The following RASSF3 variants were observed in gnomAD, a reference collection of about 807,000 sequenced individuals.
RASSF3 encodes Ras association domain family member 3.
Under a neutral mutation model 19.9 loss-of-function variants are expected in RASSF3, and 19 were observed. The observed-to-expected ratio is 0.96, with a 90% confidence interval of 0.67 to 1.40. The LOEUF (loss-of-function observed/expected upper bound fraction) is 1.40, where lower values mean the gene tolerates loss of function less well. Ranked by LOEUF, RASSF3 falls within the 40% of genes most tolerant of loss-of-function variation. The pLI is 0.00. For missense variants in RASSF3, 306 were observed against 289.8 expected, an observed-to-expected ratio of 1.06 and a Z score of -0.41; for synonymous variants, 110 against 104.2, an observed-to-expected ratio of 1.06 and a Z score of -0.34.
At chr12:64,522,285 G>C in intron 1 of RASSF3, among the ~76,000 whole-genome samples, 1 of 152,014 alleles carries the variant, frequency 6.6e-6, no homozygotes. Flanking sequence ...ATAAAAAACA[G>C]AAATTGCAAC....
intron 1 of RASSF3, among the ~76,000 whole-genome samples, chr12:64,640,245 C>T (rs1383117): frequency 0.28 from 43,145 of 151,960 alleles, 6,658 homozygotes; most frequent in Non-Finnish European, 0.36. Context: ...ACCAGTGATA[C>T]CACCACACTC....
chr12:64,612,030 C>T (rs1459353426), intron 1 of RASSF3, among the ~76,000 whole-genome samples: 2 of 152,064 alleles, frequency 1.3e-5, no homozygotes, highest in Admixed American at 6.6e-5. Flanking sequence ...GCTTAAGGCC[C>T]CACTATTTAC....
rs1018863050 is a variant in RASSF3, at chr12:64,610,500, A to AGCG, written c.-127_-125dup. 2.9e-5 allele frequency: 9 copies of AGCG among 310,338 alleles called. No homozygotes were observed. Among genetic ancestry groups the AGCG allele is most frequent in the African/African-American group, 2.1e-4 (9 of 43,866 alleles). The allele number at this position is 310,338 out of a possible 1,614,324, so 19.2% of individuals were successfully genotyped here. On this transcript the variant is annotated 5_prime_UTR_variant, in exon 1 of 5. Transcript: ENST00000542104. ...AGGAGGGGCCGGGAGAGCCTGATTG[A>AGCG]GCGGCGGCCGCAGCTGCATAAGGAC...
intron 1 of RASSF3, among the ~76,000 whole-genome samples, chr12:64,637,953 T>A (rs1871379217): frequency 6.6e-6 from 1 of 151,668 alleles, no homozygotes; most frequent in African/African-American, 2.4e-5. Flanking sequence ...TGCCTCAGCC[T>A]CCGGAGTAGC....
At chr12:64,534,925 T>C (rs1208253441) in intron 1 of RASSF3, among the ~76,000 whole-genome samples, 1 of 152,184 alleles carries the variant, frequency 6.6e-6, no homozygotes, top group Non-Finnish European at 1.5e-5. Context: ...TAGCTTGCCT[T>C]GTAGTAAGGC....
At position 64,680,684 on chromosome 12, in the gene RASSF3, G is replaced by C. The variant is rs555375751; in HGVS notation, c.112-4103G>C. ...GCTGGAGTGCAATGGCGTGATCTCGGCTTACTGCGATCTCCGCCTCCCGGT... is the reference window on the plus strand; with the variant it reads ...GCTGGAGTGCAATGGCGTGATCTCGCCTTACTGCGATCTCCGCCTCCCGGT... On this transcript the variant is annotated intron_variant, in intron 1 of 4. Transcript: ENST00000542104. Among the ~76,000 whole-genome samples the C allele has an allele frequency of 1.6e-4, 24 of 152,060 alleles. No individual in the cohort carries two copies. In the South Asian group the frequency reaches 5.0e-3, roughly 32 times the overall value.
At chr12:64,569,931 C>CT (rs1487265237) in intron 2 of RASSF3, among the ~76,000 whole-genome samples, 2 of 152,214 alleles carry the variant, frequency 1.3e-5, no homozygotes, top group Non-Finnish European at 2.9e-5. Flanking sequence ...TGCCACTGCA[C>CT]TCCAGCCTGG....
intron 2 of RASSF3, among the ~76,000 whole-genome samples, chr12:64,570,417 A>G (rs746060461): frequency 3.0e-4 from 45 of 152,150 alleles, no homozygotes; most frequent in Non-Finnish European, 5.7e-4. Flanking sequence ...AATAATATCA[A>G]GGGACAAACA....
At chr12:64,632,925 C>T (rs1385095176) in intron 1 of RASSF3, among the ~76,000 whole-genome samples, 1 of 152,128 alleles carries the variant, frequency 6.6e-6, no homozygotes, top group African/African-American at 2.4e-5. Flanking sequence ...GTATTTTTAA[C>T]TTTCTTAGAA....
intron 1 of RASSF3, among the ~76,000 whole-genome samples, chr12:64,629,174 C>T (rs1871089287): frequency 6.6e-6 from 1 of 151,754 alleles, no homozygotes; most frequent in Non-Finnish European, 1.5e-5. Flanking sequence ...GTGACTTTGG[C>T]TCACTGCAAC....
chr12:64,563,781 T>C (rs1869385694), intron 2 of RASSF3, among the ~76,000 whole-genome samples: 1 of 152,208 alleles, frequency 6.6e-6, no homozygotes, highest in African/African-American at 2.4e-5. Flanking sequence ...ATGTCATCTC[T>C]CAATGAGGCC....
chr12:64,571,579 TC>T (rs1447156171), intron 2 of RASSF3, among the ~76,000 whole-genome samples: 1 of 152,186 alleles, frequency 6.6e-6, no homozygotes, highest in African/African-American at 2.4e-5. Flanking sequence ...TACTTTTTTT[TC>T]TTTAAGACAC....
chr12:64,667,382 A>G (rs1229230830), intron 1 of RASSF3, among the ~76,000 whole-genome samples: 3 of 152,088 alleles, frequency 2.0e-5, no homozygotes, highest in African/African-American at 7.2e-5. Context: ...GCTGGAGTGC[A>G]GTGGCGCCAT....
chr12:64,586,961 A>C (rs935175965), intron 2 of RASSF3, among the ~76,000 whole-genome samples: 1 of 151,990 alleles, frequency 6.6e-6, no homozygotes, highest in Non-Finnish European at 1.5e-5. Context: ...ATTTACCCCA[A>C]ACTACTCAGC....
At chr12:64,556,882 G>C (rs943513219) in intron 2 of RASSF3, among the ~76,000 whole-genome samples, 1 of 143,944 alleles carries the variant, frequency 6.9e-6, no homozygotes, top group Non-Finnish European at 1.5e-5. Context: ...CGTCGCCCAG[G>C]CTGAAGTGCA....
intron 2 of RASSF3, among the ~76,000 whole-genome samples, chr12:64,570,037 T>C (rs548400806): frequency 4.6e-5 from 7 of 152,190 alleles, no homozygotes; most frequent in Non-Finnish European, 8.8e-5. Flanking sequence ...CTGCCTATAA[T>C]GTATTTGACT....
chr12:64,573,321 A>C (rs1021035720), intron 2 of RASSF3, among the ~76,000 whole-genome samples: 1 of 152,208 alleles, frequency 6.6e-6, no homozygotes, highest in Non-Finnish European at 1.5e-5. Context: ...AAAAACAAAC[A>C]AACAAAAACA....
At chr12:64,622,780 A>G (rs1300726415) in intron 1 of RASSF3, among the ~76,000 whole-genome samples, 1 of 151,128 alleles carries the variant, frequency 6.6e-6, no homozygotes, top group Non-Finnish European at 1.5e-5. Flanking sequence ...TTAATCCCCA[A>G]TTTCTTAATT....
chr12:64,579,186 C>G (rs183618244), intron 2 of RASSF3, among the ~76,000 whole-genome samples: 1 of 151,908 alleles, frequency 6.6e-6, no homozygotes, highest in Non-Finnish European at 1.5e-5. Flanking sequence ...ATGACACAAC[C>G]GTGTTAGAAA....
Sources: gnomAD v4.1 joint callset for allele counts (sites outside exome capture counted in the v4.1 genomes callset) on GRCh38, gnomAD v4.1.1 for gene constraint, MANE v1.5 for transcripts, NCBI Gene and HGNC (gene_info 2026-07-23, HGNC 2026-07-21) for gene names.